DDX52: variants seen among roughly 807,000 people sequenced by gnomAD.
DDX52 encodes DExD-box helicase 52, also known as probable ATP-dependent RNA helicase DDX52.
A neutral mutation model predicts 76.1 loss-of-function variants in DDX52; 59 were observed. The ratio of observed to expected loss-of-function variants is 0.78; its 90% CI spans 0.63 to 0.96. DDX52 has a LOEUF of 0.96. Among genes scored for constraint, DDX52 ranks in the 40% least tolerant of loss-of-function variants. DDX52 has a pLI of 0.00. For synonymous variants in DDX52, 231 were observed against 244.1 expected (o/e 0.95, Z 0.50); for missense variants, 707 against 703.9 (o/e 1.00, Z -0.05).
At chr17:37,641,023 G>C (rs931327763) in intron 2 of DDX52, among the ~76,000 whole-genome samples, 18 of 151,862 alleles carry the variant, frequency 1.2e-4, no homozygotes, top group African/African-American at 4.4e-4. Context: ...AAAAACCTCT[G>C]TCAAAATGGG....
intron 1 of DDX52, chr17:37,642,772 A>G (rs145329063): frequency 6.5e-4 from 106 of 164,180 alleles, no homozygotes; most frequent in Admixed American, 2.9e-3. Context: ...TCCAAACAAC[A>G]AAGTAGACAT....
At position 37,614,364 on chromosome 17, in the gene DDX52, C is replaced by T. The variant is rs776746377; in HGVS notation, c.1743-11G>A. ...CCAGTGACCTTTTTCCTGTAAAGAG[C>T]AAAGTAAGAAAAATTGAATAAAAAA... is the stretch of plus-strand genomic sequence containing the variant. On this transcript the variant is annotated splice_polypyrimidine_tract_variant and intron_variant, in intron 14 of 14. Transcript: ENST00000617633. 3.7e-6 allele frequency: 6 copies of T among 1,605,002 alleles called. 1 individual carries two copies. In the South Asian group the frequency reaches 4.5e-5, roughly 12 times the overall value.
Position 37,614,322 on chromosome 17 carries a change from T to C in DDX52, c.1774A>G (p.Lys592Glu). ...TAACTTTTGTCTTCAAGAGCTACTT[T>C]CTTCTTGCTGTTCTGACCAGTGACC... is the stretch of plus-strand genomic sequence containing the variant. ...KKVTGQNSKK[K>E]VALEDKS Residue 592 changes from lysine to glutamate, a missense_variant, in exon 15 of 15, where the codon AAA becomes GAA. Coordinates refer to ENST00000617633, the MANE Select transcript of DDX52 (RefSeq NM_007010.5). The C allele has an allele frequency of 1.9e-6, 3 of 1,612,882 alleles. No homozygotes were observed. Among genetic ancestry groups the C allele is most frequent in the Non-Finnish European group, 2.5e-6 (3 of 1,179,650 alleles).
intron 9 of DDX52, among the ~76,000 whole-genome samples, chr17:37,622,301 C>CT (rs141136978): frequency 0.16 from 23,457 of 144,486 alleles, 1,971 homozygotes; most frequent in Middle Eastern, 0.26. Context: ...CTTTTTTTTT[C>CT]TTTTTTTTTT....
At chr17:37,638,951 T>G (rs962769740) in intron 2 of DDX52, among the ~76,000 whole-genome samples, 3 of 151,982 alleles carry the variant, frequency 2.0e-5, no homozygotes, top group African/African-American at 7.2e-5. Context: ...TTTATATTTT[T>G]AGTAGAGACG....
chr17:37,630,857 G>C (rs2030648472), intron 4 of DDX52: 1 of 152,186 alleles, frequency 6.6e-6, no homozygotes, highest in African/African-American at 2.4e-5. Flanking sequence ...GGCCAGGCTG[G>C]TCTTGAACTC....
intron 4 of DDX52, chr17:37,631,161 A>G (rs1044936463): frequency 3.3e-5 from 5 of 152,214 alleles, no homozygotes; most frequent in Admixed American, 6.5e-5. Context: ...TTACATGGGG[A>G]AAAAACCCAA....
At chr17:37,621,021 AC>A in intron 11 of DDX52, 73 bp from the exon 12 acceptor site, 1 of 1,558,298 alleles carries the variant, frequency 6.4e-7, no homozygotes, top group African/African-American at 1.4e-5. Context: ...TATAAAAGTC[AC>A]TGGATTTTCA....
chr17:37,626,958 G>A (rs536335557), intron 6 of DDX52, 98 bp from the exon 7 acceptor site: 2 of 922,956 alleles, frequency 2.2e-6, no homozygotes, highest in Non-Finnish European at 3.4e-6. Flanking sequence ...ACCTGAAGTG[G>A]GAAGTAGTCA....
At chr17:37,629,228 TACACACACACACACACACACACACACAC>T (rs10661586) in intron 5 of DDX52, among the ~76,000 whole-genome samples, 13 of 133,972 alleles carry the variant, frequency 9.7e-5, no homozygotes, top group Admixed American at 4.6e-4. Flanking sequence ...CAAGAAAAAA[TACACACACACACACACACACACACACAC>T]ACACACACAC....
chr17:37,623,732 T>C (rs1319797740), intron 9 of DDX52, among the ~76,000 whole-genome samples: 3 of 152,190 alleles, frequency 2.0e-5, no homozygotes, highest in Non-Finnish European at 2.9e-5. Context: ...ATTATGACTA[T>C]ATGGATGCTT....
At position 37,642,099 on chromosome 17, in the gene DDX52, C is replaced by CAA. The variant is rs2031227611; in HGVS notation, c.286+9_286+10dup. The CAA allele has an allele frequency of 3.7e-6, 6 of 1,610,256 alleles. No individual in the cohort carries two copies. Among genetic ancestry groups the CAA allele is most frequent in the Non-Finnish European group, 5.1e-6 (6 of 1,179,290 alleles). Reference sequence around the variant, plus strand: ...TAAAGAGAAAAAACATGACAGAAATCAAACACTAACCTGAAGTCATCGTCT... The same window carrying CAA: ...TAAAGAGAAAAAACATGACAGAAATCAAAAACACTAACCTGAAGTCATCGTCT... On this transcript the variant is annotated intron_variant, in intron 2 of 14. Transcript: ENST00000617633.
At position 37,621,468 on chromosome 17, in the gene DDX52, T is replaced by C. The variant is rs1419778588; in HGVS notation, c.1280A>G (p.Glu427Gly). The change falls in exon 10 of 15, where the codon GAA (glutamate) becomes GGA (glycine). Residue 427 changes from glutamate (E) to glycine (G), a missense_variant. Transcript: ENST00000617633. ...VFVQSIERAK[E>G]LFHELIYEGI... ...TTCATATATGAGCTCATGAAAAAGT[T>C]CTTTAGCCCTTTCAATGGACTGAAC... 2 of 1,613,782 alleles carry C rather than the reference T, an allele frequency of 1.2e-6. No homozygotes were observed. Among genetic ancestry groups the C allele is most frequent in the Non-Finnish European group, 1.7e-6 (2 of 1,179,894 alleles).
intron 8 of DDX52, among the ~76,000 whole-genome samples, chr17:37,625,110 A>T (rs2030299184): frequency 6.6e-6 from 1 of 152,050 alleles, no homozygotes; most frequent in Admixed American, 6.6e-5. Flanking sequence ...AGCTCAAGCA[A>T]TACTCCTGCC....
intron 9 of DDX52, among the ~76,000 whole-genome samples, chr17:37,622,697 C>A (rs190587044): frequency 1.8e-3 from 278 of 152,238 alleles, no homozygotes; most frequent in Non-Finnish European, 3.3e-3. Flanking sequence ...AAAAATCTTA[C>A]GTATAATTTT....
At chr17:37,642,982 G>C (rs2031271752) in intron 1 of DDX52, 1 of 199,138 alleles carries the variant, frequency 5.0e-6, no homozygotes, top group African/African-American at 2.3e-5. Flanking sequence ...AAGAGAATCT[G>C]TTTTCTCCAT....
intron 6 of DDX52, among the ~76,000 whole-genome samples, chr17:37,627,889 T>C (rs1235147393): frequency 1.3e-5 from 2 of 151,852 alleles, no homozygotes; most frequent in Admixed American, 1.3e-4. Flanking sequence ...CACCTCAGAC[T>C]CCCAAGTAGC....
chr17:37,639,567 C>G, intron 2 of DDX52: 1 of 421,658 alleles, frequency 2.4e-6, no homozygotes, highest in South Asian at 9.0e-5. Context: ...GAAACCCTGT[C>G]TCTAATAAAA....
chr17:37,624,461 TG>T, intron 8 of DDX52, 27 bp from the exon 9 acceptor site: 1 of 1,529,780 alleles, frequency 6.5e-7, no homozygotes, highest in Non-Finnish European at 8.8e-7. Flanking sequence ...CCTTGTAGTT[TG>T]TAAGAGTTAA....
Sources: gnomAD v4.1 joint callset for allele counts (sites outside exome capture counted in the v4.1 genomes callset) on GRCh38, gnomAD v4.1.1 for gene constraint, MANE v1.5 for transcripts, NCBI Gene and HGNC (gene_info 2026-07-23, HGNC 2026-07-21) for gene names.